Variants in KIAA0825 observed in about 807,000 individuals in gnomAD.
KIAA0825 encodes the protein KIAA0825, also known as uncharacterized protein KIAA0825.
KIAA0825 carries 119 observed loss-of-function variants against 147.6 expected under a neutral mutation model. The ratio of observed to expected loss-of-function variants is 0.81; its 90% CI spans 0.69 to 0.94. The LOEUF (loss-of-function observed/expected upper bound fraction) is 0.94. Among genes scored for constraint, KIAA0825 ranks in the 40% least tolerant of loss-of-function variants. The pLI is 0.00. For synonymous variants in KIAA0825, 470 were observed against 518.1 expected, an observed-to-expected ratio of 0.91 and a Z score of 1.26; for missense variants, 1,381 against 1,472.7, an observed-to-expected ratio of 0.94 and a Z score of 1.02.
chr5:94,174,420 C>T (rs1043107177), intron 20 of KIAA0825, among the ~76,000 whole-genome samples: 6 of 152,046 alleles, frequency 3.9e-5, no homozygotes, highest in African/African-American at 9.7e-5. Context: ...TTGGGTTCTG[C>T]GTCAATTGTG....
chr5:94,301,175 A>G (rs1778381834), intron 20 of KIAA0825, among the ~76,000 whole-genome samples: 1 of 152,156 alleles, frequency 6.6e-6, no homozygotes, highest in South Asian at 2.1e-4. Context: ...CCAGGAAGTT[A>G]GGAAGATAAT....
intron 1 of KIAA0825, among the ~76,000 whole-genome samples, chr5:94,598,576 GT>G (rs1785731000): frequency 6.6e-6 from 1 of 151,972 alleles, no homozygotes. Flanking sequence ...GAAATATATA[GT>G]AAATACATAA....
intron 2 of KIAA0825, among the ~76,000 whole-genome samples, chr5:94,563,353 G>A (rs1442287534): frequency 8.9e-5 from 11 of 123,364 alleles, no homozygotes; most frequent in Non-Finnish European, 1.5e-4. Flanking sequence ...GTAAGACTCC[G>A]TCTCAAAAAA....
At chr5:94,178,918 T>A (rs2149970529) in intron 20 of KIAA0825, among the ~76,000 whole-genome samples, 1 of 152,218 alleles carries the variant, frequency 6.6e-6, no homozygotes, top group Non-Finnish European at 1.5e-5. Flanking sequence ...TATCCTTAAG[T>A]GATTTCATAT....
intron 20 of KIAA0825, among the ~76,000 whole-genome samples, chr5:94,273,631 T>C (rs1231772893): frequency 1.3e-5 from 2 of 152,130 alleles, no homozygotes; most frequent in African/African-American, 2.4e-5. Flanking sequence ...CATAAATTCT[T>C]CCTAAGTTTC....
At chr5:94,445,009 A>G (rs897269107) in intron 13 of KIAA0825, among the ~76,000 whole-genome samples, 8 of 152,174 alleles carry the variant, frequency 5.3e-5, no homozygotes, top group Non-Finnish European at 1.2e-4. Context: ...AAAGCAAGGC[A>G]CATCTTACAC....
intron 1 of KIAA0825, among the ~76,000 whole-genome samples, chr5:94,616,420 T>A (rs907787045): frequency 3.9e-5 from 6 of 152,182 alleles, no homozygotes; most frequent in African/African-American, 1.2e-4. Flanking sequence ...AATCCCCATC[T>A]GTTTGAGGGT....
chr5:94,579,942 T>C (rs567901174), intron 2 of KIAA0825, among the ~76,000 whole-genome samples: 3 of 152,278 alleles, frequency 2.0e-5, no homozygotes, highest in African/African-American at 4.8e-5. Context: ...CTTAAATACA[T>C]TGCAACACAA....
At chr5:94,594,038 G>T in intron 1 of KIAA0825, 1 of 520,986 alleles carries the variant, frequency 1.9e-6, no homozygotes, top group South Asian at 1.4e-5. Context: ...GAAGTTTTTG[G>T]AACTTGCGTG....
chr5:94,156,137 T>C (rs1350510310), intron 20 of KIAA0825, among the ~76,000 whole-genome samples: 1 of 152,238 alleles, frequency 6.6e-6, no homozygotes, highest in African/African-American at 2.4e-5. Context: ...TTATTATTGC[T>C]GTTCTACAGA....
chr5:94,494,097 A>G (rs116206517), intron 5 of KIAA0825, among the ~76,000 whole-genome samples: 4,939 of 152,202 alleles, frequency 0.032, 126 homozygotes, highest in Non-Finnish European at 0.053. Flanking sequence ...AGAAAAACTG[A>G]AAAGACACTG....
At chr5:94,438,266 G>A (rs905069282) in intron 14 of KIAA0825, among the ~76,000 whole-genome samples, 1 of 152,152 alleles carries the variant, frequency 6.6e-6, no homozygotes, top group Non-Finnish European at 1.5e-5. Flanking sequence ...TGTTTAACAT[G>A]AGAGTAACAA....
At chr5:94,421,114 A>G (rs1432724224) in intron 14 of KIAA0825, among the ~76,000 whole-genome samples, 10 of 152,146 alleles carry the variant, frequency 6.6e-5, no homozygotes, top group Admixed American at 4.6e-4. Context: ...AATTTTTTCT[A>G]TAAAGGGCCA....
Position 94,473,471 on chromosome 5 carries a change from G to A in KIAA0825, c.1276C>T (p.Leu426Phe), listed in dbSNP as rs116699061. The A allele has an allele frequency of 1.3e-6, 2 of 1,551,756 alleles. No individual in the cohort carries two copies. Among genetic ancestry groups the A allele is most frequent in the African/African-American group, 2.7e-5 (2 of 73,168 alleles). Residue 426 changes from leucine (L) to phenylalanine (F), a missense_variant, in exon 8 of 21, where the codon CTT becomes TTT. Leu to Phe is a conservative substitution (Grantham distance 22). Coordinates refer to ENST00000682413, the MANE Select transcript of KIAA0825 (RefSeq NM_001145678.3). ...GTTACTACGCAGTGCGCCATGGGAA[G>A]AGACACTTCTTTAAATGCACTTCTC... ...GWRSAFKEVS[L>F]PMAHCVVTAI... is the part of the protein sequence containing the mutation.
intron 20 of KIAA0825, among the ~76,000 whole-genome samples, chr5:94,285,771 G>A (rs903243195): frequency 2.6e-5 from 4 of 152,114 alleles, no homozygotes; most frequent in African/African-American, 9.7e-5. Context: ...AAAGCTGATG[G>A]TATCACTTTT....
chr5:94,380,229 A>G (rs1397732632), intron 20 of KIAA0825, among the ~76,000 whole-genome samples: 1 of 152,068 alleles, frequency 6.6e-6, no homozygotes, highest in African/African-American at 2.4e-5. Flanking sequence ...CTTTCACCCA[A>G]ATTTGGAAAA....
intron 13 of KIAA0825, among the ~76,000 whole-genome samples, chr5:94,450,765 C>G (rs1377801373): frequency 6.6e-6 from 1 of 152,244 alleles, no homozygotes; most frequent in South Asian, 2.1e-4. Flanking sequence ...CATACTAGCA[C>G]GTCAGAATCC....
chr5:94,388,389 C>A (rs994731040), intron 18 of KIAA0825, among the ~76,000 whole-genome samples: 1 of 152,042 alleles, frequency 6.6e-6, no homozygotes, highest in Non-Finnish European at 1.5e-5. Flanking sequence ...AAGATTAATT[C>A]TTTAGTGTCT....
intron 20 of KIAA0825, among the ~76,000 whole-genome samples, chr5:94,284,715 C>A (rs1330702269): frequency 1.3e-5 from 2 of 151,804 alleles, no homozygotes; most frequent in Non-Finnish European, 2.9e-5. Context: ...TTCCTTTACC[C>A]TCTGTTTGCA....
Sources: allele counts gnomAD v4.1 joint callset (sites outside exome capture counted in the v4.1 genomes callset), GRCh38; gene constraint gnomAD v4.1.1; transcripts MANE v1.5; gene names NCBI Gene and HGNC (gene_info 2026-07-23, HGNC 2026-07-21).